Variants in TAFA2 observed in about 807,000 individuals in gnomAD.
TAFA2 encodes TAFA chemokine like family member 2.
TAFA2 carries 7 observed loss-of-function variants against 18.8 expected under a neutral mutation model. That is an observed-to-expected ratio of 0.37 (90% confidence interval 0.21 to 0.70). The LOEUF is 0.70. Among genes scored for constraint, TAFA2 ranks in the 30% least tolerant of loss-of-function variants. The probability of loss-of-function intolerance (pLI) is 0.53; values close to 1 mark genes in which losing one functional copy is unlikely to be tolerated. For missense variants in TAFA2, 122 were observed against 158.1 expected (o/e 0.77, Z 1.23); for synonymous variants, 60 against 54.2 (o/e 1.11, Z -0.47).
chr12:62,136,027 T>C (rs1870883114), intron 1 of TAFA2: 1 of 152,144 alleles, frequency 6.6e-6, no homozygotes, highest in Non-Finnish European at 1.5e-5. Context: ...AATATTTGAC[T>C]CATCACTGCT....
chr12:61,731,009 T>C (rs184821919), intron 4 of TAFA2, among the ~76,000 whole-genome samples: 1 of 152,154 alleles, frequency 6.6e-6, no homozygotes, highest in African/African-American at 2.4e-5. Context: ...CTCCTTCCCC[T>C]TGTGGCCCTT....
intron 2 of TAFA2, among the ~76,000 whole-genome samples, chr12:61,777,567 G>A (rs913511943): frequency 9.9e-5 from 15 of 151,738 alleles, no homozygotes; most frequent in African/African-American, 3.6e-4. Flanking sequence ...TTACCTAAGA[G>A]TCAATAGAAC....
intron 1 of TAFA2, among the ~76,000 whole-genome samples, chr12:62,124,831 G>C (rs941520735): frequency 6.6e-6 from 1 of 152,200 alleles, no homozygotes; most frequent in Middle Eastern, 3.4e-3. Context: ...AGAACCTCTA[G>C]TTACTGGTGT....
chr12:62,136,561 G>A (rs974641903), intron 1 of TAFA2, among the ~76,000 whole-genome samples: 3 of 152,108 alleles, frequency 2.0e-5, no homozygotes, highest in African/African-American at 7.2e-5. Context: ...ATTCACAATG[G>A]CAGTTAAGCA....
At chr12:61,775,701 T>C (rs1870228157) in intron 2 of TAFA2, among the ~76,000 whole-genome samples, 1 of 151,824 alleles carries the variant, frequency 6.6e-6, no homozygotes, top group Non-Finnish European at 1.5e-5. Flanking sequence ...GACACTATAA[T>C]AGTGGATACA....
chr12:61,938,458 G>A (rs1250064972), intron 1 of TAFA2, among the ~76,000 whole-genome samples: 2 of 152,026 alleles, frequency 1.3e-5, no homozygotes, highest in Non-Finnish European at 2.9e-5. Flanking sequence ...ACAGACACTG[G>A]AGCCTACTTG....
intron 2 of TAFA2, among the ~76,000 whole-genome samples, chr12:61,777,325 A>G (rs1870307166): frequency 6.6e-6 from 1 of 151,904 alleles, no homozygotes; most frequent in East Asian, 1.9e-4. Flanking sequence ...TTGCAGTATT[A>G]TCGGGAGGAT....
intron 1 of TAFA2, among the ~76,000 whole-genome samples, chr12:62,178,406 A>G (rs2062529352): frequency 1.3e-5 from 2 of 152,238 alleles, no homozygotes; most frequent in Admixed American, 1.3e-4. Flanking sequence ...AGTAGCTATT[A>G]TAGCAGACAT....
intron 1 of TAFA2, among the ~76,000 whole-genome samples, chr12:62,226,976 T>C (rs1453863604): frequency 1.3e-5 from 2 of 152,176 alleles, no homozygotes; most frequent in Non-Finnish European, 2.9e-5. Context: ...GCCTTGGTAG[T>C]CTATCTGAAA....
intron 1 of TAFA2, among the ~76,000 whole-genome samples, chr12:62,227,753 A>T (rs570779184): frequency 6.6e-6 from 1 of 152,278 alleles, no homozygotes; most frequent in East Asian, 1.9e-4. Context: ...TCAATCCTAG[A>T]CTTAAGTATT....
chr12:61,975,804 G>A (rs908482622), intron 1 of TAFA2, among the ~76,000 whole-genome samples: 2 of 151,516 alleles, frequency 1.3e-5, no homozygotes, highest in East Asian at 1.9e-4. Context: ...CCTAATGTAC[G>A]GCAAGGTGAC....
At chr12:62,086,208 A>G (rs1868445918) in intron 1 of TAFA2, among the ~76,000 whole-genome samples, 1 of 149,788 alleles carries the variant, frequency 6.7e-6, no homozygotes, top group African/African-American at 2.4e-5. Flanking sequence ...AAAAAAAAAC[A>G]GGAAAAAGCA....
chr12:61,740,210 A>G (rs574473434), intron 4 of TAFA2, among the ~76,000 whole-genome samples: 4 of 152,150 alleles, frequency 2.6e-5, no homozygotes, highest in African/African-American at 7.2e-5. Context: ...TTGTCCCATC[A>G]TTCTCAGCAA....
chr12:61,858,734 C>T (rs1873991914), intron 2 of TAFA2, among the ~76,000 whole-genome samples: 1 of 151,642 alleles, frequency 6.6e-6, no homozygotes. Flanking sequence ...ATCATATGAC[C>T]CATGAAATTC....
chr12:61,968,495 C>G (rs1879140914), intron 1 of TAFA2, among the ~76,000 whole-genome samples: 1 of 151,750 alleles, frequency 6.6e-6, no homozygotes, highest in African/African-American at 2.4e-5. Context: ...ACACAAGCTT[C>G]AATCTCAGCA....
chr12:61,717,593 A>C (rs1372704530), intron 4 of TAFA2, among the ~76,000 whole-genome samples: 2 of 152,208 alleles, frequency 1.3e-5, no homozygotes, highest in Non-Finnish European at 2.9e-5. Flanking sequence ...AACTATACTC[A>C]GTTATCTATT....
chr12:61,791,991 A>G (rs1871000603), intron 2 of TAFA2, among the ~76,000 whole-genome samples: 1 of 151,804 alleles, frequency 6.6e-6, no homozygotes, highest in South Asian at 2.1e-4. Flanking sequence ...GAATGAATAA[A>G]GAAAATATGG....
At chr12:62,208,382 G>C (rs571016479) in intron 1 of TAFA2, among the ~76,000 whole-genome samples, 2 of 152,054 alleles carry the variant, frequency 1.3e-5, no homozygotes, top group Non-Finnish European at 2.9e-5. Context: ...ATGAATTAAT[G>C]GGCTGAACAT....
intron 1 of TAFA2, chr12:61,880,343 C>T (rs182609789): frequency 4.4e-5 from 22 of 496,950 alleles, no homozygotes; most frequent in East Asian, 4.0e-4. Context: ...TGCCGAGAAG[C>T]GCAGGGAGCT....
Sources: allele counts gnomAD v4.1 joint callset (sites outside exome capture counted in the v4.1 genomes callset), GRCh38; gene constraint gnomAD v4.1.1; transcripts MANE v1.5; gene names NCBI Gene and HGNC (gene_info 2026-07-23, HGNC 2026-07-21).